The following STRIP2 variants were observed in gnomAD, a reference collection of about 807,000 sequenced individuals.
STRIP2 encodes striatin interacting protein 2.
STRIP2 carries 84 observed loss-of-function variants against 107.1 expected under a neutral mutation model. The observed-to-expected ratio is 0.78, with a 90% CI of 0.66 to 0.94. The LOEUF (loss-of-function observed/expected upper bound fraction) is 0.94. Ranked by LOEUF, STRIP2 falls within the 40% of genes least tolerant of loss-of-function variation. The probability of loss-of-function intolerance (pLI) is 0.00; values close to 1 mark genes in which losing one functional copy is unlikely to be tolerated. For missense variants in STRIP2, 888 were observed against 1,034.2 expected, an observed-to-expected ratio of 0.86 and a Z score of 1.94; for synonymous variants, 394 against 400.4, an observed-to-expected ratio of 0.98 and a Z score of 0.19.
Position 129,455,268 on chromosome 7 carries a change from CT to C in STRIP2, c.735del (p.Phe245LeufsTer22). 6.2e-7 allele frequency: 1 copy of C among 1,613,838 alleles called. No individual in the cohort carries two copies. Among genetic ancestry groups the C allele is most frequent in the Non-Finnish European group, 8.5e-7 (1 of 1,179,868 alleles). On this transcript the variant is annotated frameshift_variant, in exon 8 of 21. Transcript: ENST00000249344. LOFTEE classifies it high-confidence loss of function. ...GGCTTCTCCATGCATAATGAGGAGC[CT>C]TTTGCCCTTTTACTCTTCTCCATGG... The part of the protein sequence containing the change: ...ELSFSMHNEE[P>X]FALLLFSMVT...
intron 14 of STRIP2, among the ~76,000 whole-genome samples, 190 bp from the exon 15 acceptor site, chr7:129,463,854 C>A (rs1312315711): frequency 6.6e-6 from 1 of 152,204 alleles, no homozygotes; most frequent in African/African-American, 2.4e-5. Context: ...TTCTCCCTAG[C>A]CTCACAGGCA....
chr7:129,447,604 C>A (rs576348645), intron 3 of STRIP2, among the ~76,000 whole-genome samples: 61 of 152,288 alleles, frequency 4.0e-4, no homozygotes, highest in Non-Finnish European at 5.6e-4. Context: ...TGACTCAAAG[C>A]CAGAGAATAG....
At chr7:129,447,862 C>T (rs898656035) in intron 3 of STRIP2, among the ~76,000 whole-genome samples, 5 of 152,240 alleles carry the variant, frequency 3.3e-5, no homozygotes, top group Non-Finnish European at 7.3e-5. Context: ...CAAGATTCAT[C>T]TGTCTTCTGC....
chr7:129,456,141 CTTTTTTTTCTTTTTTT>C (rs1158886154), intron 8 of STRIP2, among the ~76,000 whole-genome samples: 2 of 81,008 alleles, frequency 2.5e-5, no homozygotes, highest in Non-Finnish European at 5.4e-5. Flanking sequence ...TCGATAGTTT[CTTTTTTTTCTTTTTTT>C]TTTTTTTTGA....
intron 9 of STRIP2, 80 bp downstream of exon 9, chr7:129,456,722 GA>G (rs1470089099): frequency 2.7e-5 from 36 of 1,352,294 alleles, no homozygotes; most frequent in Non-Finnish European, 3.7e-5. Flanking sequence ...GGTGTGGTAG[GA>G]AAAAGCAGTA....
At chr7:129,453,451 C>G (rs990541074) in intron 5 of STRIP2, 104 bp downstream of exon 5, 2 of 1,415,726 alleles carry the variant, frequency 1.4e-6, no homozygotes, top group Admixed American at 4.3e-5. Context: ...CTGTGAGGAA[C>G]TGGGTCTACT....
At chr7:129,436,474 A>G (rs1797742592) in intron 1 of STRIP2, among the ~76,000 whole-genome samples, 1 of 152,080 alleles carries the variant, frequency 6.6e-6, no homozygotes, top group Non-Finnish European at 1.5e-5. Context: ...TTACCTGCTG[A>G]TTGTCTGCAG....
chr7:129,434,657 G>T, intron 1 of STRIP2, 56 bp downstream of exon 1: 1 of 1,423,056 alleles, frequency 7.0e-7, no homozygotes, highest in Non-Finnish European at 9.2e-7. Context: ...GGCGGGAAGC[G>T]GCGGCTGAGG....
chr7:129,464,831 G>A, intron 16 of STRIP2, 93 bp downstream of exon 16: 2 of 1,516,576 alleles, frequency 1.3e-6, no homozygotes, highest in Non-Finnish European at 1.8e-6. Flanking sequence ...TAATCCTGAT[G>A]AGCATCTTTC....
At chr7:129,459,132 C>T (rs990783826) in intron 11 of STRIP2, among the ~76,000 whole-genome samples, 9 of 152,244 alleles carry the variant, frequency 5.9e-5, no homozygotes, top group Admixed American at 3.3e-4. Flanking sequence ...ATGGTCAGAA[C>T]GGATCCAGTC....
chr7:129,452,939 C>T (rs1798236101), intron 4 of STRIP2, among the ~76,000 whole-genome samples: 1 of 152,184 alleles, frequency 6.6e-6, no homozygotes, highest in Non-Finnish European at 1.5e-5. Flanking sequence ...GGGAATGATT[C>T]CCAAATAAGC....
rs10558221 is a variant in STRIP2 at position 129,479,491 on chromosome 7, CTTT to C, written c.1945-1281_1945-1279del. On this transcript the variant is annotated intron_variant, in intron 18 of 20. Transcript: ENST00000249344. ...AGAATATTATTTATAAATAATGTTT[CTTT>C]TTTTTTTTTTTTGAGATGGAGTTTC... Among the ~76,000 whole-genome samples, 139 of 136,370 alleles carry C rather than the reference CTTT, an allele frequency of 1.0e-3. 1 individual carries two copies. The highest frequency in any genetic ancestry group is 1.3e-3 in the Non-Finnish European group (80 of 63,170). The allele number at this position is 136,370 out of a possible 152,430, so 89.5% of individuals were successfully genotyped here.
At chr7:129,478,925 C>T (rs1799042938) in intron 18 of STRIP2, among the ~76,000 whole-genome samples, 1 of 152,144 alleles carries the variant, frequency 6.6e-6, no homozygotes, top group African/African-American at 2.4e-5. Flanking sequence ...AGGAAGCTCA[C>T]AGTAGAAATA....
At position 129,436,857 on chromosome 7, in the gene STRIP2, C is replaced by T. The variant is rs141406497; in HGVS notation, c.129+2256C>T. ...CCACTGGCTTAGTGTGTGAACATCC[C>T]AACCTAAAAAGGAAGCTAAAGAATA... is the stretch of plus-strand genomic sequence containing the variant. On this transcript the variant is annotated intron_variant, in intron 1 of 20. Transcript: ENST00000249344. 6.0e-3 allele frequency among the ~76,000 whole-genome samples: 916 copies of T among 152,278 alleles called. 7 individuals are homozygous for T. The highest frequency in any genetic ancestry group is 9.5e-3 in the South Asian group (46 of 4,824).
chr7:129,465,397 G>A (rs1385274406), intron 16 of STRIP2, among the ~76,000 whole-genome samples: 2 of 152,132 alleles, frequency 1.3e-5, no homozygotes, highest in Non-Finnish European at 2.9e-5. Flanking sequence ...GTCCAGAGGG[G>A]GAAGAGAGAG....
chr7:129,455,409 C>T (rs959906983), intron 8 of STRIP2, 38 bp downstream of exon 8: 2 of 1,597,918 alleles, frequency 1.3e-6, no homozygotes, highest in Admixed American at 1.7e-5. Flanking sequence ...ATCAGATCAG[C>T]AATGCCCTAT....
chr7:129,467,005 G>A (rs1276551504), intron 16 of STRIP2, among the ~76,000 whole-genome samples: 2 of 152,202 alleles, frequency 1.3e-5, no homozygotes, highest in East Asian at 3.8e-4. Context: ...AACATTATGA[G>A]CCAGAGGTTT....
Position 129,482,847 on chromosome 7 carries a change from G to C in STRIP2, c.2055G>C (p.Leu685=). The C allele has an allele frequency of 6.2e-7, 1 of 1,614,088 alleles. No homozygotes were observed. Among genetic ancestry groups the C allele is most frequent in the Non-Finnish European group, 8.5e-7 (1 of 1,180,020 alleles). Residue 685 remains leucine (L), a synonymous_variant, in exon 20 of 21, where the codon CTG becomes CTC. Transcript: ENST00000249344. The part of the protein sequence containing the change: ...TKWKHSRTMM[L]VVFKSAPILK... ...ACCCCTCTTTCAATGAACAGATGCT[G>C]GTAGTGTTTAAATCGGCACCAATCT...
chr7:129,453,759 G>A (rs1798263418), intron 5 of STRIP2, among the ~76,000 whole-genome samples: 1 of 152,214 alleles, frequency 6.6e-6, no homozygotes, highest in Non-Finnish European at 1.5e-5. Flanking sequence ...AGTTCTAGAG[G>A]TGGCCTTATT....
Sources: gnomAD v4.1 joint callset for allele counts (sites outside exome capture counted in the v4.1 genomes callset) on GRCh38, gnomAD v4.1.1 for gene constraint, MANE v1.5 for transcripts, NCBI Gene and HGNC (gene_info 2026-07-23, HGNC 2026-07-21) for gene names.